Variants in ANKRD13C observed in about 807,000 individuals in gnomAD.
ANKRD13C encodes the protein ankyrin repeat domain 13C.
In ANKRD13C, 16 loss-of-function variants were observed where a neutral mutation model predicts 65.5. The ratio of observed to expected loss-of-function variants is 0.24; its 90% CI spans 0.17 to 0.37. ANKRD13C has a LOEUF of 0.37. ANKRD13C is among the 10% of genes least tolerant of loss of function. The pLI, the probability that ANKRD13C is intolerant of heterozygous loss-of-function variation, is 1.00. For synonymous variants in ANKRD13C, 235 were observed against 238.7 expected (o/e 0.98, Z 0.14); for missense variants, 503 against 655.9 (o/e 0.77, Z 2.55).
chr1:70,338,039 C>G (rs923572534), intron 1 of ANKRD13C, among the ~76,000 whole-genome samples: 1 of 151,886 alleles, frequency 6.6e-6, no homozygotes, highest in Admixed American at 6.6e-5. Context: ...GCGAAGGTTG[C>G]GGTGAACCAA....
At chr1:70,337,162 C>CAT (rs1682078717) in intron 1 of ANKRD13C, among the ~76,000 whole-genome samples, 1 of 151,782 alleles carries the variant, frequency 6.6e-6, no homozygotes, top group African/African-American at 2.4e-5. Flanking sequence ...CACACACACA[C>CAT]ACACACACAC....
intron 9 of ANKRD13C, among the ~76,000 whole-genome samples, chr1:70,280,365 A>C (rs1439592236): frequency 1.3e-5 from 2 of 152,224 alleles, no homozygotes; most frequent in African/African-American, 4.8e-5. Flanking sequence ...AACTGGGGAA[A>C]GCAGAATGGT....
At chr1:70,304,457 C>T (rs1477692071) in intron 6 of ANKRD13C, among the ~76,000 whole-genome samples, 2 of 151,926 alleles carry the variant, frequency 1.3e-5, no homozygotes, top group South Asian at 2.1e-4. Context: ...AGTGCAGTGT[C>T]GTGATTACAG....
intron 9 of ANKRD13C, among the ~76,000 whole-genome samples, chr1:70,277,183 CA>C (rs1679177355): frequency 6.6e-6 from 1 of 152,168 alleles, no homozygotes; most frequent in African/African-American, 2.4e-5. Flanking sequence ...CTGGGCCAGG[CA>C]TAGTGGCTCA....
intron 2 of ANKRD13C, among the ~76,000 whole-genome samples, chr1:70,330,574 C>CAAAAAAAAAAAAAAAACA (rs1681744062): frequency 1.5e-5 from 1 of 68,386 alleles, no homozygotes; most frequent in African/African-American, 5.4e-5. Context: ...ACAAACAAAC[C>CAAAAAAAAAAAAAAAACA]AAAAAAAAAA....
intron 1 of ANKRD13C, among the ~76,000 whole-genome samples, chr1:70,351,649 C>G (rs1400014080): frequency 6.6e-6 from 1 of 152,156 alleles, no homozygotes. Context: ...ATCCACCCAC[C>G]TCGGCCTCTC....
rs17131260 is a variant in ANKRD13C at position 70,354,630 on chromosome 1, G to C, written c.-222C>G. On this transcript the variant is annotated 5_prime_UTR_variant, in exon 1 of 13. Coordinates refer to ENST00000370944, the MANE Select transcript of ANKRD13C (RefSeq NM_030816.5). ...GCTCGCTGGGGGAAGCTAGAACTCAGGTGCCCACGACACCAGGATCTCAGT... is the reference window on the plus strand; with the variant it reads ...GCTCGCTGGGGGAAGCTAGAACTCACGTGCCCACGACACCAGGATCTCAGT... 1 of 1,107,140 alleles carries C rather than the reference G, an allele frequency of 9.0e-7. No homozygotes were observed. Among genetic ancestry groups the C allele is most frequent in the Non-Finnish European group, 1.2e-6 (1 of 802,066 alleles). 68.6% of individuals were successfully genotyped at this position (1,107,140 alleles called of 1,614,324 possible).
At chr1:70,341,051 A>G (rs1572173067) in intron 1 of ANKRD13C, among the ~76,000 whole-genome samples, 5 of 152,300 alleles carry the variant, frequency 3.3e-5, no homozygotes, top group Admixed American at 3.3e-4. Context: ...CGGAGGTTGC[A>G]GTCAGCCAAG....
chr1:70,276,847 G>T lies in ANKRD13C; in HGVS notation c.1216-3C>A. On this transcript the variant is annotated splice_region_variant and splice_polypyrimidine_tract_variant and intron_variant, in intron 9 of 12. Transcript: ENST00000370944. ...GTAAGAGACTGTCTTCGAATCGGCT[G>T]CCAAAAAAAAAAAAGAAAGAAAGTG... 3 of 1,571,798 alleles carry T rather than the reference G, an allele frequency of 1.9e-6. No individual in the cohort carries two copies. Among genetic ancestry groups the T allele is most frequent in the Non-Finnish European group, 2.6e-6 (3 of 1,164,880 alleles).
Position 70,270,836 on chromosome 1 carries a change from T to C in ANKRD13C, c.1495+20A>G, listed in dbSNP as rs750817439. On this transcript the variant is annotated intron_variant, in intron 12 of 12. Coordinates refer to ENST00000370944, the MANE Select transcript of ANKRD13C (RefSeq NM_030816.5). ...ATATTCCTAATGGACACTAAAATTATATCTAATTTTTTCTCTTACCTAATT... is the reference window on the plus strand; with the variant it reads ...ATATTCCTAATGGACACTAAAATTACATCTAATTTTTTCTCTTACCTAATT... 1.4e-6 allele frequency: 2 copies of C among 1,475,674 alleles called. No homozygotes were observed. The highest frequency in any genetic ancestry group is 1.9e-6 in the Non-Finnish European group (2 of 1,062,984). The allele number at this position is 1,475,674 out of a possible 1,614,324, so 91.4% of individuals were successfully genotyped here.
At position 70,306,258 on chromosome 1, in the gene ANKRD13C, C is replaced by T. The variant is rs144733444; in HGVS notation, c.742G>A (p.Ala248Thr). 3.2e-6 allele frequency: 5 copies of T among 1,581,918 alleles called. No individual in the cohort carries two copies. The highest frequency in any genetic ancestry group is 4.3e-6 in the Non-Finnish European group (5 of 1,162,264). The change falls in exon 6 of 13, where the codon GCA becomes ACA. Residue 248 changes from alanine (A) to threonine (T), a missense_variant. Physicochemically the swap from Ala to Thr is moderately conservative, Grantham distance 58 (BLOSUM62 0). Around this residue, in one of 2 missense-constraint regions of ANKRD13C, gnomAD observed 300 missense variants for 478.3 expected, o/e 0.63. Coordinates refer to ENST00000370944, the MANE Select transcript of ANKRD13C (RefSeq NM_030816.5). The stretch of plus-strand genomic sequence containing the variant: ...ATACCTTGTTTGTATATTTTACATG[C>T]ATCGGAAGGCAGAATTCGGGAAAGT... ...PLLSRILPSD[A>T]CKIYKQGINI...
intron 8 of ANKRD13C, among the ~76,000 whole-genome samples, chr1:70,295,686 T>G (rs981278046): frequency 6.6e-6 from 1 of 151,942 alleles, no homozygotes; most frequent in Non-Finnish European, 1.5e-5. Context: ...GTTGCAGAAA[T>G]GTAAGGTTAT....
At chr1:70,338,890 CT>C (rs1682175300) in intron 1 of ANKRD13C, among the ~76,000 whole-genome samples, 1 of 152,102 alleles carries the variant, frequency 6.6e-6, no homozygotes, top group Admixed American at 6.6e-5. Context: ...AAATATTGAA[CT>C]AAATTTCCTA....
intron 3 of ANKRD13C, among the ~76,000 whole-genome samples, chr1:70,322,063 C>T (rs2101520176): frequency 6.6e-6 from 1 of 152,102 alleles, no homozygotes; most frequent in African/African-American, 2.4e-5. Flanking sequence ...GCCTGTAATC[C>T]CAGCACTTTG....
chr1:70,302,147 A>G (rs1405587114), intron 6 of ANKRD13C, among the ~76,000 whole-genome samples: 2 of 152,220 alleles, frequency 1.3e-5, no homozygotes, highest in Non-Finnish European at 2.9e-5. Flanking sequence ...AACTAGGGTT[A>G]CATAGAATTT....
intron 5 of ANKRD13C, among the ~76,000 whole-genome samples, chr1:70,310,953 T>C (rs1438921464): frequency 6.6e-6 from 1 of 152,186 alleles, no homozygotes; most frequent in Non-Finnish European, 1.5e-5. Context: ...ATATAAGGCA[T>C]AAAAGCAAGA....
chr1:70,294,599 C>G (rs1184605192), intron 8 of ANKRD13C, among the ~76,000 whole-genome samples: 1 of 151,270 alleles, frequency 6.6e-6, no homozygotes, highest in Admixed American at 6.6e-5. Flanking sequence ...AGAAACCCTG[C>G]TTGAGTTTCC....
In ANKRD13C at chr1:70,315,505, A is replaced by C; in HGVS notation, c.639T>G (p.Pro213=). ...CCTCTTTCAGGGCTTTTAATAATCG[A>C]GGTCGTTTTTCTTCAACACTTTCCC... ...QSRESVEEKR[P]RLLKALKELG... is the part of the protein sequence containing the mutation. Residue 213 remains proline (P), a synonymous_variant, in exon 4 of 13, where the codon CCT becomes CCG. Coordinates refer to ENST00000370944, the MANE Select transcript of ANKRD13C (RefSeq NM_030816.5). 1 of 1,605,908 alleles carries C rather than the reference A, an allele frequency of 6.2e-7. No homozygotes were observed. The highest frequency in any genetic ancestry group is 8.5e-7 in the Non-Finnish European group (1 of 1,175,206).
chr1:70,303,834 CT>C (rs1373327573), intron 6 of ANKRD13C, among the ~76,000 whole-genome samples: 1 of 152,116 alleles, frequency 6.6e-6, no homozygotes, highest in African/African-American at 2.4e-5. Context: ...GGCAAAAAAC[CT>C]TTTGTCATAC....
Sources: gnomAD v4.1 joint callset for allele counts (sites outside exome capture counted in the v4.1 genomes callset) on GRCh38, gnomAD v4.1.1 for gene constraint, gnomAD v4.1.1 regional missense constraint, MANE v1.5 for transcripts, NCBI Gene and HGNC (gene_info 2026-07-23, HGNC 2026-07-21) for gene names.